The following MMP13 variants were observed in gnomAD, a reference collection of about 807,000 sequenced individuals.
MMP13 encodes collagenase 3.
MMP13 carries 45 observed loss-of-function variants against 52.1 expected under a neutral mutation model. The ratio of observed to expected loss-of-function variants is 0.86; its 90% CI spans 0.68 to 1.11. The LOEUF (loss-of-function observed/expected upper bound fraction) is 1.11. Ranked by LOEUF, MMP13 falls within the 50% of genes least tolerant of loss-of-function variation. The pLI, the probability that MMP13 is intolerant of heterozygous loss-of-function variation, is 0.00. For missense variants in MMP13, 576 were observed against 583.8 expected (o/e 0.99, Z 0.14); for synonymous variants, 200 against 204.4 (o/e 0.98, Z 0.18).
chr11:102,945,710 C>G lies in MMP13; in HGVS notation c.1251G>C (p.Pro417=). ...DTNHIMDKDY[P]RLIEEDFPGI... ...CTGGGAAGTCTTCTTCTATTAGTCT[C>G]GGATAGTCTTTATCCATAATATGGT... The change falls in exon 9 of 10, where the codon CCG becomes CCC. Residue 417 remains proline, a synonymous_variant. Transcript: ENST00000260302. 6.2e-7 allele frequency: 1 copy of G among 1,603,096 alleles called. No individual in the cohort carries two copies. Among genetic ancestry groups the G allele is most frequent in the Non-Finnish European group, 8.5e-7 (1 of 1,171,288 alleles).
chr11:102,948,785 A>G (rs1352272136), intron 7 of MMP13, among the ~76,000 whole-genome samples: 1 of 152,238 alleles, frequency 6.6e-6, no homozygotes, highest in Non-Finnish European at 1.5e-5. Flanking sequence ...AAAAACTGAC[A>G]TGATTCATAT....
chr11:102,952,696 AT>A lies in MMP13; in HGVS notation c.638-524del, dbSNP rs1860631926. On this transcript the variant is annotated intron_variant, in intron 4 of 9. Coordinates refer to ENST00000260302, the MANE Select transcript of MMP13 (RefSeq NM_002427.4). This position sits in a 1 kb window ranked among gnomAD's most constrained non-coding sequence, Gnocchi z 4.3. The stretch of plus-strand genomic sequence containing the variant: ...CTTGGGAGCAAATTCCAACCAAATG[AT>A]TTTTTCCAGAATGTCTCTAGACTCT... Among the ~76,000 whole-genome samples, 1 of 151,930 alleles carries A rather than the reference AT, an allele frequency of 6.6e-6. No homozygotes were observed. The highest frequency in any genetic ancestry group is 2.4e-5 in the African/African-American group (1 of 41,338).
rs1217166124 is a variant in MMP13, at chr11:102,954,166, A to G, written c.627T>C (p.Ser209=). 2.5e-6 allele frequency: 4 copies of G among 1,613,382 alleles called. No individual in the cohort carries two copies. The African/African-American group carries it at 4.0e-5, about 16-fold the overall frequency. Residue 209 remains serine, a synonymous_variant, in exon 4 of 10, where the codon AGT becomes AGC. Coordinates refer to ENST00000260302, the MANE Select transcript of MMP13 (RefSeq NM_002427.4). ...AHFDDDETWT[S]SSKGYNLFLV... is the part of the protein sequence containing the mutation. ...TATAAGAAACATTACCTTTGGAACTACTTGTCCAGGTTTCATCATCATCAA... is the reference window on the plus strand; with the variant it reads ...TATAAGAAACATTACCTTTGGAACTGCTTGTCCAGGTTTCATCATCATCAA...
chr11:102,949,660 A>G lies in MMP13; in HGVS notation c.917+450T>C, dbSNP rs1860576442. On this transcript the variant is annotated intron_variant, in intron 6 of 9. Coordinates refer to ENST00000260302, the MANE Select transcript of MMP13 (RefSeq NM_002427.4). The surrounding 1 kb of genome is among the most constrained non-coding windows in gnomAD (Gnocchi z 4.2). ...TGAATGAATAAACAAGCATACTGGA[A>G]CAGTGTAGAAATTAAAATTTTATAT... 6.6e-6 allele frequency among the ~76,000 whole-genome samples: 1 copy of G among 152,224 alleles called. No homozygotes were observed. Among genetic ancestry groups the G allele is most frequent in the South Asian group, 2.1e-4 (1 of 4,834 alleles).
Position 102,944,222 on chromosome 11 carries a change from C to T in MMP13, c.*44G>A. ...ACCCCGCACTTCTGGAAGTATTACC[C>T]CAAATGCTCTTCAGGATTTAAATAA... On this transcript the variant is annotated 3_prime_UTR_variant, in exon 10 of 10. Transcript: ENST00000260302. 1 of 1,460,532 alleles carries T rather than the reference C, an allele frequency of 6.8e-7. No homozygotes were observed. The highest frequency in any genetic ancestry group is 1.1e-5 in the South Asian group (1 of 87,920). 90.5% of individuals were successfully genotyped at this position (1,460,532 alleles called of 1,614,324 possible). A position where few individuals can be genotyped will look rare whatever the true frequency, so the allele number is the denominator to read the frequency against.
At chr11:102,946,950 T>C (rs1221179464) in intron 8 of MMP13, among the ~76,000 whole-genome samples, 2 of 152,182 alleles carry the variant, frequency 1.3e-5, no homozygotes, top group African/African-American at 2.4e-5. Context: ...ACATTTAGAA[T>C]GTAGGGTACT....
At chr11:102,946,759 AG>A (rs1349914643) in intron 8 of MMP13, among the ~76,000 whole-genome samples, 1 of 152,220 alleles carries the variant, frequency 6.6e-6, no homozygotes, top group South Asian at 2.1e-4. Flanking sequence ...TTATGGAGGT[AG>A]GGAATGAAAT....
rs575208277 is a variant in MMP13, at chr11:102,952,929, C to A, written c.638-756G>T. 2.6e-5 allele frequency among the ~76,000 whole-genome samples: 4 copies of A among 152,142 alleles called. No individual in the cohort carries two copies. The highest frequency in any genetic ancestry group is 7.2e-5 in the African/African-American group (3 of 41,434). Reference sequence around the variant, plus strand: ...GTGCAAGGCAATAGGATTGTTGTTACCTGTGCTTAGATTACCTGAAAACTA... The same window carrying A: ...GTGCAAGGCAATAGGATTGTTGTTAACTGTGCTTAGATTACCTGAAAACTA... On this transcript the variant is annotated intron_variant, in intron 4 of 9. Coordinates refer to ENST00000260302, the MANE Select transcript of MMP13 (RefSeq NM_002427.4). This position sits in a 1 kb window ranked among gnomAD's most constrained non-coding sequence, Gnocchi z 4.3.
intron 5 of MMP13, 127 bp downstream of exon 5, chr11:102,951,885 C>A: frequency 1.1e-6 from 1 of 944,090 alleles, no homozygotes; most frequent in Non-Finnish European, 1.7e-6. Context: ...ATTATGAAAC[C>A]TTTGTCATGC....
Position 102,955,270 on chromosome 11 carries a change from T to C in MMP13, c.344A>G (p.Lys115Arg), listed in dbSNP as rs548322553. 1.2e-6 allele frequency: 2 copies of C among 1,613,924 alleles called. No homozygotes were observed. The highest frequency in any genetic ancestry group is 4.5e-5 in the East Asian group (2 of 44,880). Residue 115 changes from lysine (K) to arginine (R), a missense_variant, in exon 2 of 10, where the codon AAA becomes AGA. Lys to Arg is a conservative substitution (Grantham distance 26). Coordinates refer to ENST00000260302, the MANE Select transcript of MMP13 (RefSeq NM_002427.4). The surrounding 1 kb of genome is among the most constrained non-coding windows in gnomAD (Gnocchi z 4.9). ...GATTTACCTGTAGGTTAAATTCATT[T>C]TGGACCATTTAAGAGTTCGAGGGAA... Reference protein sequence around the residue: ...NVFPRTLKWSKMNLTYRIVNY... With the variant: ...NVFPRTLKWSRMNLTYRIVNY...
rs369791917 is a variant in MMP13, at chr11:102,948,264, T to C, written c.1052-214A>G. On this transcript the variant is annotated intron_variant, in intron 7 of 9. Coordinates refer to ENST00000260302, the MANE Select transcript of MMP13 (RefSeq NM_002427.4). ...GATCTTAACTTCCCAATTATGAATA[T>C]AGCTAATCAAATATCACAGTTAACT... 5.7e-4 allele frequency among the ~76,000 whole-genome samples: 87 copies of C among 152,308 alleles called. 1 individual carries two copies. The South Asian group carries it at 0.015, about 26-fold the overall frequency.
rs1210890531 is a variant in MMP13 at position 102,950,480 on chromosome 11, A to G, written c.800-253T>C. ...CTTAGGTTTCTTGAGGTTGATGATA[A>G]AAAGGAGGGAAAAAAGCAACAGAAT... On this transcript the variant is annotated intron_variant, in intron 5 of 9. Transcript: ENST00000260302. 2.6e-5 allele frequency among the ~76,000 whole-genome samples: 4 copies of G among 152,154 alleles called. No homozygotes were observed. The East Asian group carries it at 7.8e-4, about 29-fold the overall frequency.
At position 102,955,338 on chromosome 11, in the gene MMP13, T is replaced by G. The variant is rs1211493055; in HGVS notation, c.276A>C (p.Lys92Asn). 6.2e-7 allele frequency: 1 copy of G among 1,614,048 alleles called. No individual in the cohort carries two copies. The highest frequency in any genetic ancestry group is 1.3e-5 in the African/African-American group (1 of 75,030). ...CATCAGGAACCCCGCATCTTGGCTTTTTCATGACATCTAAGGTGTTATCGT... is the reference window on the plus strand; with the variant it reads ...CATCAGGAACCCCGCATCTTGGCTTGTTCATGACATCTAAGGTGTTATCGT... ...KLDDNTLDVM[K>N]KPRCGVPDVG... The change falls in exon 2 of 10, where the codon AAA becomes AAC. Residue 92 changes from lysine to asparagine, a missense_variant. By Grantham distance (94) the Lys-to-Asn change is moderately conservative. Coordinates refer to ENST00000260302, the MANE Select transcript of MMP13 (RefSeq NM_002427.4). This position sits in a 1 kb window ranked among gnomAD's most constrained non-coding sequence, Gnocchi z 4.9.
chr11:102,947,667 T>TTTTG (rs1381962345), intron 8 of MMP13, among the ~76,000 whole-genome samples: 3 of 144,916 alleles, frequency 2.1e-5, no homozygotes, highest in Non-Finnish European at 3.0e-5. Context: ...TGTTTGAGTA[T>TTTTG]TGTGTGTGTG....
At chr11:102,950,639 T>G (rs912587563) in intron 5 of MMP13, among the ~76,000 whole-genome samples, 1 of 152,158 alleles carries the variant, frequency 6.6e-6, no homozygotes, top group East Asian at 1.9e-4. Context: ...CTTGACTATT[T>G]TACCAGCTGT....
Position 102,949,024 on chromosome 11 carries a change from C to T in MMP13, c.1051+1G>A, listed in dbSNP as rs1860563385. The T allele has an allele frequency of 1.2e-6, 2 of 1,613,648 alleles. No homozygotes were observed. The highest frequency in any genetic ancestry group is 2.2e-5 in the East Asian group (1 of 44,872). ...TGAGGACTCCTCTGTGGAAAGCTTACCTCTGAAGATGAAGATGAGGTCATG... is the reference window on the plus strand; with the variant it reads ...TGAGGACTCCTCTGTGGAAAGCTTATCTCTGAAGATGAAGATGAGGTCATG... On this transcript the variant is annotated splice_donor_variant, in intron 7 of 9. Transcript: ENST00000260302. LOFTEE classifies it high-confidence loss of function. This position sits in a 1 kb window ranked among gnomAD's most constrained non-coding sequence, Gnocchi z 4.2.
chr11:102,946,841 G>C (rs1217822100), intron 8 of MMP13, among the ~76,000 whole-genome samples: 1 of 152,136 alleles, frequency 6.6e-6, no homozygotes, highest in Non-Finnish European at 1.5e-5. Flanking sequence ...TAAGTCAAAA[G>C]GCAAAGATGA....
chr11:102,948,305 T>TTAAAG (rs1555016913), intron 7 of MMP13, among the ~76,000 whole-genome samples: 2 of 152,204 alleles, frequency 1.3e-5, no homozygotes, highest in African/African-American at 4.8e-5. Flanking sequence ...ATTTATTAGC[T>TTAAAG]CTGAATATTA....
Position 102,943,342 on chromosome 11 carries a change from A to G in MMP13, c.*924T>C, listed in dbSNP as rs1446981107. 6.6e-6 allele frequency: 1 copy of G among 152,216 alleles called. No homozygotes were observed. The highest frequency in any genetic ancestry group is 2.4e-5 in the African/African-American group (1 of 41,466). The allele number at this position is 152,216 out of a possible 1,614,324, so 9.4% of individuals were successfully genotyped here. A position where few individuals can be genotyped will look rare whatever the true frequency, so the allele number is the denominator to read the frequency against. ...TAAGATATATTTTATTTCATGCTAT[A>G]CAAGTCTTTAGAAAATAGCCTATAT... On this transcript the variant is annotated 3_prime_UTR_variant, in exon 10 of 10. Coordinates refer to ENST00000260302, the MANE Select transcript of MMP13 (RefSeq NM_002427.4).
Sources: gnomAD v4.1 joint callset for allele counts (sites outside exome capture counted in the v4.1 genomes callset) on GRCh38, gnomAD v4.1.1 for gene constraint, Gnocchi (gnomAD v3.1) non-coding constraint, MANE v1.5 for transcripts, NCBI Gene and HGNC (gene_info 2026-07-23, HGNC 2026-07-21) for gene names.